GRIN2B: variants seen among roughly 807,000 people sequenced by gnomAD.
The protein encoded by GRIN2B is glutamate ionotropic receptor NMDA type subunit 2B.
GRIN2B carries 5 observed loss-of-function variants against 114.5 expected under a neutral mutation model. The observed-to-expected ratio is 0.04, with a 90% CI of 0.02 to 0.09. The LOEUF (loss-of-function observed/expected upper bound fraction) is 0.09. Among genes scored for constraint, GRIN2B ranks in the 10% least tolerant of loss-of-function variants. The pLI is 1.00. For synonymous variants in GRIN2B, 787 were observed against 745.1 expected (o/e 1.06, Z -0.92); for missense variants, 1,108 against 1,943.5 (o/e 0.57, Z 8.08).
At chr12:13,847,031 T>A (rs1222807432) in intron 3 of GRIN2B, among the ~76,000 whole-genome samples, 1 of 152,090 alleles carries the variant, frequency 6.6e-6, no homozygotes, top group Non-Finnish European at 1.5e-5. Flanking sequence ...CTAAGGAAAC[T>A]GAGGCAGAGA....
chr12:13,932,952 C>CGTGTGTGTGTGTGTGTGT (rs5796568), intron 2 of GRIN2B, among the ~76,000 whole-genome samples: 2 of 148,698 alleles, frequency 1.3e-5, no homozygotes, highest in Non-Finnish European at 3.0e-5. Context: ...AGGGCTTTGT[C>CGTGTGTGTGTGTGTGTGT]GTGTGTGTGT....
At position 13,554,653 on chromosome 12, in the gene GRIN2B, G is replaced by C. The variant is rs573134813; in HGVS notation, c.*8130C>G. On this transcript the variant is annotated 3_prime_UTR_variant, in exon 14 of 14. Transcript: ENST00000609686. ...CATCTGATTTATATGTAGGAAGTGA[G>C]TACTGACAAGAGTAGATTCAAATAT... 1.3e-5 allele frequency: 2 copies of C among 152,250 alleles called. No individual in the cohort carries two copies. The highest frequency in any genetic ancestry group is 4.1e-4 in the South Asian group (2 of 4,832). 9.4% of individuals were successfully genotyped at this position (152,250 alleles called of 1,614,324 possible).
chr12:13,727,375 C>T (rs1346539329), intron 4 of GRIN2B, among the ~76,000 whole-genome samples: 1 of 152,014 alleles, frequency 6.6e-6, no homozygotes, highest in East Asian at 1.9e-4. Flanking sequence ...TTGAATTGAT[C>T]TGAAGATTTA....
chr12:13,844,469 A>C (rs1865436609), intron 3 of GRIN2B, among the ~76,000 whole-genome samples: 3 of 152,220 alleles, frequency 2.0e-5, no homozygotes, highest in Admixed American at 2.0e-4. Context: ...TTTAACAGAA[A>C]ACCATCAGCC....
At chr12:13,948,523 C>A (rs1867409556) in intron 2 of GRIN2B, among the ~76,000 whole-genome samples, 1 of 152,078 alleles carries the variant, frequency 6.6e-6, no homozygotes, top group Admixed American at 6.6e-5. Context: ...CCAGAGTCAT[C>A]CGGTTCTGCT....
At chr12:13,740,424 T>A (rs1412896701) in intron 4 of GRIN2B, among the ~76,000 whole-genome samples, 1 of 152,108 alleles carries the variant, frequency 6.6e-6, no homozygotes, top group Non-Finnish European at 1.5e-5. Context: ...TAAGAATGAA[T>A]GTAATTTTGT....
intron 4 of GRIN2B, among the ~76,000 whole-genome samples, chr12:13,682,756 G>A (rs1444739667): frequency 6.6e-6 from 1 of 152,064 alleles, no homozygotes; most frequent in Non-Finnish European, 1.5e-5. Flanking sequence ...AGTAGTTTGG[G>A]CTGAACTGAA....
At chr12:13,744,368 T>C (rs2136619338) in intron 4 of GRIN2B, among the ~76,000 whole-genome samples, 1 of 152,312 alleles carries the variant, frequency 6.6e-6, no homozygotes, top group African/African-American at 2.4e-5. Context: ...CAAATGCAAA[T>C]ATACATAAAT....
In GRIN2B at chr12:13,563,782, G is replaced by A. The variant is rs752200554; in HGVS notation, c.3456C>T (p.Thr1152=). Residue 1152 remains threonine, a synonymous_variant, in exon 14 of 14, where the codon ACC becomes ACT. Coordinates refer to ENST00000609686, the MANE Select transcript of GRIN2B (RefSeq NM_000834.5). ...NSPHWEHVDL[T]DIYKERSDDF... ...CATCACTCCGCTCCTTGTAGATGTC[G>A]GTCAGGTCTACGTGCTCCCAGTGGG... 12 of 1,614,086 alleles carry A rather than the reference G, an allele frequency of 7.4e-6. No individual in the cohort carries two copies. The highest frequency in any genetic ancestry group is 3.3e-5 in the South Asian group (3 of 91,084).
At chr12:13,960,452 A>G (rs570311611) in intron 2 of GRIN2B, among the ~76,000 whole-genome samples, 1 of 152,244 alleles carries the variant, frequency 6.6e-6, no homozygotes, top group South Asian at 2.1e-4. Flanking sequence ...TTTTTTTACC[A>G]AAAGGCTCTA....
At chr12:13,851,677 C>A (rs1240900205) in intron 3 of GRIN2B, among the ~76,000 whole-genome samples, 5 of 152,138 alleles carry the variant, frequency 3.3e-5, no homozygotes, top group Non-Finnish European at 7.4e-5. Flanking sequence ...TAAATTCTAC[C>A]AAGCTCCTTT....
intron 4 of GRIN2B, among the ~76,000 whole-genome samples, chr12:13,717,387 T>A (rs1489360672): frequency 6.6e-6 from 1 of 151,950 alleles, no homozygotes; most frequent in South Asian, 2.1e-4. Context: ...CCAGCCCCGC[T>A]TGGAATACTA....
chr12:13,552,270 A>T lies in GRIN2B; in HGVS notation c.*10513T>A, dbSNP rs930261076. The T allele has an allele frequency of 6.6e-6, 1 of 152,128 alleles. No individual in the cohort carries two copies. The highest frequency in any genetic ancestry group is 1.5e-5 in the Non-Finnish European group (1 of 68,028). The allele number at this position is 152,128 out of a possible 1,614,324, so 9.4% of individuals were successfully genotyped here. On this transcript the variant is annotated 3_prime_UTR_variant, in exon 14 of 14. Coordinates refer to ENST00000609686, the MANE Select transcript of GRIN2B (RefSeq NM_000834.5). The stretch of plus-strand genomic sequence containing the variant: ...TGACATGGGGCCAGGTTCCTTGTGG[A>T]TATCAGGACCTCACACATAAGGTTG...
intron 2 of GRIN2B, among the ~76,000 whole-genome samples, chr12:13,912,206 CTG>C (rs959500239): frequency 2.0e-5 from 3 of 152,080 alleles, no homozygotes; most frequent in African/African-American, 4.8e-5. Context: ...GACATTCACT[CTG>C]GGTGCAATCT....
chr12:13,694,512 T>G (rs1950241568), intron 4 of GRIN2B, among the ~76,000 whole-genome samples: 1 of 151,506 alleles, frequency 6.6e-6, no homozygotes, highest in South Asian at 2.1e-4. Context: ...ATGAGGAAAC[T>G]AAGGATCAGA....
rs558675410 is a variant in GRIN2B, at chr12:13,828,474, A to G, written c.411+37324T>C. 2.6e-5 allele frequency among the ~76,000 whole-genome samples: 4 copies of G among 152,272 alleles called. No homozygotes were observed. The South Asian group carries it at 6.2e-4, about 24-fold the overall frequency. ...CAAAAACTCAAAAGGAACCCAGCGC[A>G]TATTACCGGAGCTCCTTCTAACCTT... On this transcript the variant is annotated intron_variant, in intron 3 of 13. Coordinates refer to ENST00000609686, the MANE Select transcript of GRIN2B (RefSeq NM_000834.5).
At chr12:13,583,663 G>A (rs932091171) in intron 10 of GRIN2B, among the ~76,000 whole-genome samples, 2 of 152,154 alleles carry the variant, frequency 1.3e-5, no homozygotes, top group Non-Finnish European at 1.5e-5. Flanking sequence ...CACAGAGCAG[G>A]CAGAGATGGA....
intron 5 of GRIN2B, among the ~76,000 whole-genome samples, chr12:13,637,954 A>T (rs1377100083): frequency 6.6e-6 from 1 of 152,156 alleles, no homozygotes; most frequent in African/African-American, 2.4e-5. Flanking sequence ...CTGACCTGCA[A>T]ATAAGTGTTA....
chr12:13,699,013 A>G (rs1950286920), intron 4 of GRIN2B, among the ~76,000 whole-genome samples: 1 of 152,186 alleles, frequency 6.6e-6, no homozygotes, highest in Non-Finnish European at 1.5e-5. Context: ...ACATGTAGAA[A>G]CTTGGGAAGG....
Sources: allele counts gnomAD v4.1 joint callset (sites outside exome capture counted in the v4.1 genomes callset), GRCh38; gene constraint gnomAD v4.1.1; transcripts MANE v1.5; gene names NCBI Gene and HGNC (gene_info 2026-07-23, HGNC 2026-07-21).